Variants in ERI2 observed in about 807,000 individuals in gnomAD.
ERI2 encodes the protein ERI1 exoribonuclease 2.
In ERI2, 35 loss-of-function variants were observed where a neutral mutation model predicts 46.8. That is an observed-to-expected ratio of 0.75 (90% confidence interval 0.57 to 0.99). ERI2 has a LOEUF of 0.99. ERI2 is among the 50% of genes least tolerant of loss of function. The pLI, the probability that ERI2 is intolerant of heterozygous loss-of-function variation, is 0.00. For synonymous variants in ERI2, 224 were observed against 271.0 expected, an observed-to-expected ratio of 0.83 and a Z score of 1.70; for missense variants, 695 against 796.2, an observed-to-expected ratio of 0.87 and a Z score of 1.53.
chr16:20,781,698 TA>T, intron 10 of ERI2: 1 of 1,607,648 alleles, frequency 6.2e-7, no homozygotes, highest in African/African-American at 1.3e-5. Context: ...TTGCTTTTTC[TA>T]AATTGCAGAC....
At chr16:20,785,190 A>G in intron 10 of ERI2, 1 of 1,534,430 alleles carries the variant, frequency 6.5e-7, no homozygotes, top group East Asian at 2.3e-5. Flanking sequence ...TCTCCTTATG[A>G]TTATTTGAGG....
chr16:20,792,420 A>T, downstream of ERI2: 1 of 1,575,276 alleles, frequency 6.3e-7, no homozygotes, highest in East Asian at 2.2e-5. Context: ...AAACAGAATT[A>T]ACCAAATGAT....
chr16:20,786,074 C>G, intron 10 of ERI2: 2 of 1,537,012 alleles, frequency 1.3e-6, no homozygotes, highest in Non-Finnish European at 1.8e-6. Context: ...TTCTTCTTAA[C>G]TAGGTGCTAA....
At chr16:20,780,255 G>A (rs2080323932) in exon 11 of ERI2, 3 of 202,034 alleles carry the variant, frequency 1.5e-5, no homozygotes, top group East Asian at 2.7e-4. Context: ...CCAGTAGGCT[G>A]TAGTGTGTTG....
intron 3 of ERI2, 141 bp downstream of exon 3, chr16:20,803,291 CT>C: frequency 2.1e-6 from 2 of 966,116 alleles, no homozygotes; most frequent in Non-Finnish European, 1.5e-6. Flanking sequence ...AGATTTTGCT[CT>C]TTTTTATTCA....
At chr16:20,792,396 A>G, downstream of ERI2, 1 of 1,596,650 alleles carries the variant, frequency 6.3e-7, no homozygotes, top group Non-Finnish European at 8.6e-7. Flanking sequence ...ATACTTACAA[A>G]CAGTAGCTCA....
In ERI2 at chr16:20,780,516, C is replaced by T. The variant is rs568573861; in HGVS notation, c.*126G>A. 44 of 1,104,106 alleles carry T rather than the reference C, an allele frequency of 4.0e-5. No individual in the cohort carries two copies. The African/African-American group carries it at 6.3e-4, about 16-fold the overall frequency. The allele number at this position is 1,104,106 out of a possible 1,614,324, so 68.4% of individuals were successfully genotyped here. ...GCTATTATAAATGGGCCTTTGATGA[C>T]AAAGTTTAGTTTTGATTCTAGAAAG... On this transcript the variant is annotated 3_prime_UTR_variant, in exon 11 of 11. Coordinates refer to the ERI2 transcript ENST00000300005.
In ERI2 at chr16:20,806,408, C is replaced by G; in HGVS notation, c.23G>C (p.Arg8Pro). 6.4e-7 allele frequency: 1 copy of G among 1,550,730 alleles called. No individual in the cohort carries two copies. The highest frequency in any genetic ancestry group is 8.7e-7 in the Non-Finnish European group (1 of 1,147,270). The part of the protein sequence containing the change: MATKRLA[R>P]QLGLIRRKSI... ...CCCGACCCGGAACTCCCTCGAGTAC[C>G]GCGCGAGCCGCTTGGTCGCCATTCC... The change falls in exon 1 of 9, where the codon CGG becomes CCG. Residue 8 changes from arginine (R) to proline (P), a missense_variant and splice_region_variant. Physicochemically the swap from Arg to Pro is moderately radical, Grantham distance 103. Coordinates refer to ENST00000357967, the MANE Select transcript of ERI2 (RefSeq NM_001142725.2).
chr16:20,803,735 A>G (rs2080820253), intron 1 of ERI2, 65 bp from the exon 2 acceptor site: 6 of 1,537,420 alleles, frequency 3.9e-6, no homozygotes, highest in Non-Finnish European at 5.4e-6. Flanking sequence ...TGAGTAGGCT[A>G]CCAAACTAAT....
At position 20,798,032 on chromosome 16, in the gene ERI2, C is replaced by T; in HGVS notation, c.1768G>A (p.Gly590Arg). ...TTGCATAATGGAGGTGTCATTTTCC[C>T]ACTCTTCCATGGCTCTTGTAGGTTA... ...TVNLQEPWKS[G>R]KMTPPLCKCG... is the part of the protein sequence containing the mutation. Residue 590 changes from glycine to arginine, a missense_variant, in exon 9 of 9, where the codon GGG becomes AGG. Coordinates refer to ENST00000357967, the MANE Select transcript of ERI2 (RefSeq NM_001142725.2). 2 of 1,551,846 alleles carry T rather than the reference C, an allele frequency of 1.3e-6. No homozygotes were observed. The highest frequency in any genetic ancestry group is 8.7e-7 in the Non-Finnish European group (1 of 1,146,978).
chr16:20,797,465 T>C lies in ERI2; in HGVS notation c.*259A>G, dbSNP rs1208298883. 1 of 1,065,580 alleles carries C rather than the reference T, an allele frequency of 9.4e-7. No individual in the cohort carries two copies. Among genetic ancestry groups the C allele is most frequent in the African/African-American group, 1.7e-5 (1 of 60,370 alleles). 66.0% of individuals were successfully genotyped at this position (1,065,580 alleles called of 1,614,324 possible). A position where few individuals can be genotyped will look rare whatever the true frequency, so the allele number is the denominator to read the frequency against. On this transcript the variant is annotated 3_prime_UTR_variant, in exon 9 of 9. Transcript: ENST00000357967. ...AGACTAGGGATTTTTATTAGTCACATTTTTTGCAAATAATTTAAAAATAGT... is the reference window on the plus strand; with the variant it reads ...AGACTAGGGATTTTTATTAGTCACACTTTTTGCAAATAATTTAAAAATAGT...
At chr16:20,803,949 C>T (rs2080822569) in intron 1 of ERI2, among the ~76,000 whole-genome samples, 2 of 152,124 alleles carry the variant, frequency 1.3e-5, no homozygotes, top group African/African-American at 4.8e-5. Context: ...ATCTCCTGGG[C>T]TCAAGCAATC....
chr16:20,800,325 T>G lies in ERI2; in HGVS notation c.538A>C (p.Ile180Leu), dbSNP rs2080783126. The G allele has an allele frequency of 6.2e-7, 1 of 1,609,962 alleles. No homozygotes were observed. Among genetic ancestry groups the G allele is most frequent in the African/African-American group, 1.3e-5 (1 of 74,802 alleles). ...LLKPVFLNSW[I>L]DLRATYKLFY... Reference sequence around the variant, plus strand: ...ACCTTGTAAGTTGCTCTGAGATCAATCCAAGAATTTAAAAACACAGGTTTT... The same window carrying G: ...ACCTTGTAAGTTGCTCTGAGATCAAGCCAAGAATTTAAAAACACAGGTTTT... The change falls in exon 6 of 9, where the codon ATT becomes CTT. Residue 180 changes from isoleucine (I) to leucine (L), a missense_variant. Transcript: ENST00000357967.
chr16:20,781,761 A>G (rs1213044113), intron 10 of ERI2: 1 of 1,612,604 alleles, frequency 6.2e-7, no homozygotes, highest in South Asian at 1.1e-5. Flanking sequence ...CTGTATACCG[A>G]ATGCTTGTAC....
In ERI2 at chr16:20,798,554, C is replaced by T; in HGVS notation, c.1246G>A (p.Ala416Thr). 1 of 1,551,596 alleles carries T rather than the reference C, an allele frequency of 6.4e-7. No individual in the cohort carries two copies. Among genetic ancestry groups the T allele is most frequent in the Non-Finnish European group, 8.7e-7 (1 of 1,146,886 alleles). The change falls in exon 9 of 9, where the codon GCA becomes ACA. Residue 416 changes from alanine (A) to threonine (T), a missense_variant. Coordinates refer to ENST00000357967, the MANE Select transcript of ERI2 (RefSeq NM_001142725.2). ...TCTACGTTTTCCTCAGGCTGAGATG[C>T]TGGCAGTAAAACCACATCCTCCCAA... is the stretch of plus-strand genomic sequence containing the variant. ...ADWEDVVLLP[A>T]SQPEENVDCT...
At position 20,800,401 on chromosome 16, in the gene ERI2, G is replaced by A; in HGVS notation, c.462C>T (p.Asp154=). Reference sequence around the variant, plus strand: ...ACTCCAGGCAAACCCCCAAGTCCCAGTCTGCATTAGGTACATTAAAATAGA... The same window carrying A: ...ACTCCAGGCAAACCCCCAAGTCCCAATCTGCATTAGGTACATTAAAATAGA... ...VKLCAFVTWS[D]WDLGVCLEYE... The change falls in exon 6 of 9, where the codon GAC becomes GAT. Residue 154 remains aspartate, a splice_region_variant and synonymous_variant. Transcript: ENST00000357967. The A allele has an allele frequency of 6.3e-7, 1 of 1,586,414 alleles. No individual in the cohort carries two copies.
downstream of ERI2, chr16:20,791,947 A>G (rs2080608360): frequency 6.3e-7 from 1 of 1,580,420 alleles, no homozygotes; most frequent in African/African-American, 1.4e-5. Context: ...AAAAAATTCC[A>G]ATTGACCAGA....
intron 10 of ERI2, among the ~76,000 whole-genome samples, chr16:20,785,564 A>C (rs1348100997): frequency 6.6e-6 from 1 of 152,192 alleles, no homozygotes; most frequent in African/African-American, 2.4e-5. Context: ...ATTCTAGAGG[A>C]AATGAATGAA....
In ERI2 at chr16:20,798,793, G is replaced by T; in HGVS notation, c.1007C>A (p.Ser336Tyr). Residue 336 changes from serine (S) to tyrosine (Y), a missense_variant, in exon 9 of 9, where the codon TCT (serine) becomes TAT (tyrosine). Coordinates refer to ENST00000357967, the MANE Select transcript of ERI2 (RefSeq NM_001142725.2). ...SSLPLFNTKS[S>Y]TSVGQLQSPT... ...AGACTGCAACTGCCCCACAGAAGTA[G>T]AGGACTTAGTATTAAAAAGAGGTAA... 2.6e-6 allele frequency: 4 copies of T among 1,551,638 alleles called. No homozygotes were observed. Among genetic ancestry groups the T allele is most frequent in the Non-Finnish European group, 2.6e-6 (3 of 1,146,906 alleles).
Sources: gnomAD v4.1 joint callset for allele counts (sites outside exome capture counted in the v4.1 genomes callset) on GRCh38, gnomAD v4.1.1 for gene constraint, MANE v1.5 for transcripts, NCBI Gene and HGNC (gene_info 2026-07-23, HGNC 2026-07-21) for gene names.